CYP4X1: variants seen among roughly 807,000 people sequenced by gnomAD.
CYP4X1 encodes the protein cytochrome P450 family 4 subfamily X member 1.
CYP4X1 carries 44 observed loss-of-function variants against 57.9 expected under a neutral mutation model. The observed-to-expected ratio is 0.76, with a 90% CI of 0.60 to 0.98. The LOEUF (loss-of-function observed/expected upper bound fraction) is 0.98, where lower values mean the gene tolerates loss of function less well. Ranked by LOEUF, CYP4X1 falls within the 50% of genes least tolerant of loss-of-function variation. The pLI, the probability that CYP4X1 is intolerant of heterozygous loss-of-function variation, is 0.00. For missense variants in CYP4X1, 532 were observed against 623.9 expected (o/e 0.85, Z 1.57); for synonymous variants, 227 against 228.6 (o/e 0.99, Z 0.06).
chr1:46,983,024 G>A, the CYP4X1 span, among the ~76,000 whole-genome samples: 11 of 152,354 alleles, frequency 7.2e-5, no homozygotes, highest in East Asian at 2.1e-3. Context: ...TTGTGTTGCA[G>A]GTCCAAGCCT....
At chr1:46,984,246 A>G in the CYP4X1 span, among the ~76,000 whole-genome samples, 2 of 151,542 alleles carry the variant, frequency 1.3e-5, no homozygotes, top group Admixed American at 1.3e-4. Context: ...CCTTGCACCA[A>G]TCCCCAGTGA....
chr1:47,001,748 C>A, the CYP4X1 span, among the ~76,000 whole-genome samples: 1 of 152,234 alleles, frequency 6.6e-6, no homozygotes, highest in African/African-American at 2.4e-5. Context: ...TTCCTCCACA[C>A]TGAAGCCACA....
intron 8 of CYP4X1, among the ~76,000 whole-genome samples, chr1:47,045,338 C>A (rs1341637720): frequency 6.6e-6 from 1 of 152,020 alleles, no homozygotes; most frequent in Non-Finnish European, 1.5e-5. Context: ...TTAAAAAAAA[C>A]TTTATTCTTC....
chr1:46,987,743 C>T, the CYP4X1 span, among the ~76,000 whole-genome samples: 1 of 152,162 alleles, frequency 6.6e-6, no homozygotes, highest in Non-Finnish European at 1.5e-5. Context: ...CTCAAAACCA[C>T]ATAACTACAT....
At chr1:47,053,745 G>A (rs1036479657), downstream of CYP4X1, among the ~76,000 whole-genome samples, 6 of 152,100 alleles carry the variant, frequency 3.9e-5, no homozygotes, top group East Asian at 5.8e-4. Context: ...CATATCCTTC[G>A]CCCACTTTTT....
chr1:47,022,299 T>G (rs1184314557), upstream of CYP4X1, among the ~76,000 whole-genome samples: 1 of 143,856 alleles, frequency 7.0e-6, no homozygotes, highest in African/African-American at 2.6e-5. Flanking sequence ...TTTTTTTTTT[T>G]TTTTTTTTTT....
the CYP4X1 span, among the ~76,000 whole-genome samples, chr1:47,006,520 G>T: frequency 6.6e-6 from 1 of 152,196 alleles, no homozygotes; most frequent in African/African-American, 2.4e-5. Flanking sequence ...CAGAAGATGG[G>T]TGATTTCTGC....
At chr1:47,017,217 C>A in the CYP4X1 span, among the ~76,000 whole-genome samples, 1 of 152,066 alleles carries the variant, frequency 6.6e-6, no homozygotes, top group Non-Finnish European at 1.5e-5. Context: ...TGGTATATAT[C>A]CTGCAGTGGG....
chr1:47,004,675 A>G, the CYP4X1 span, among the ~76,000 whole-genome samples: 579 of 151,910 alleles, frequency 3.8e-3, 1 homozygote, highest in African/African-American at 0.013. Context: ...AATTGAGGCC[A>G]CCTGGCTGCA....
chr1:47,036,928 C>T (rs1004180711), intron 6 of CYP4X1, among the ~76,000 whole-genome samples: 1 of 152,144 alleles, frequency 6.6e-6, no homozygotes, highest in Non-Finnish European at 1.5e-5. Flanking sequence ...TTTTGCAAGA[C>T]ACACCAACAT....
downstream of CYP4X1, among the ~76,000 whole-genome samples, chr1:47,051,315 G>T (rs1557613850): frequency 6.6e-6 from 1 of 150,786 alleles, no homozygotes; most frequent in Non-Finnish European, 1.5e-5. Flanking sequence ...GGAGGGGGAG[G>T]TTGCAGTGAG....
At chr1:47,012,649 C>T in the CYP4X1 span, among the ~76,000 whole-genome samples, 1 of 152,142 alleles carries the variant, frequency 6.6e-6, no homozygotes, top group African/African-American at 2.4e-5. Context: ...ACATGCCAGT[C>T]CCTTTGCAAC....
At chr1:47,043,859 CT>C (rs1557609991) in intron 8 of CYP4X1, among the ~76,000 whole-genome samples, 1 of 152,134 alleles carries the variant, frequency 6.6e-6, no homozygotes, top group Non-Finnish European at 1.5e-5. Context: ...CTTCTTGTCT[CT>C]TTTTACAGTT....
chr1:47,041,479 T>C (rs1223894171), intron 8 of CYP4X1, among the ~76,000 whole-genome samples: 1 of 152,180 alleles, frequency 6.6e-6, no homozygotes, highest in Non-Finnish European at 1.5e-5. Context: ...ACCATTCTAA[T>C]GAGCATGAGG....
Position 47,046,606 on chromosome 1 carries a change from T to C in CYP4X1, c.1207+6T>C. 6.2e-7 allele frequency: 1 copy of C among 1,614,124 alleles called. No homozygotes were observed. Among genetic ancestry groups the C allele is most frequent in the South Asian group, 1.1e-5 (1 of 91,068 alleles). On this transcript the variant is annotated splice_donor_region_variant and intron_variant, in intron 9 of 11. Transcript: ENST00000371901. ...TGGATGCACATTGCCTGCAGGTCTT[T>C]ACATTCTTTTCCTAAGCAGTTCTTA...
At chr1:47,026,720 T>G (rs903695634) in intron 1 of CYP4X1, among the ~76,000 whole-genome samples, 1 of 148,856 alleles carries the variant, frequency 6.7e-6, no homozygotes, top group African/African-American at 2.5e-5. Context: ...TTTTTTGTTG[T>G]TTTTTTTTGT....
chr1:47,048,534 T>C (rs367748702), intron 9 of CYP4X1, 31 bp from the exon 10 acceptor site: 2 of 1,612,614 alleles, frequency 1.2e-6, no homozygotes, highest in African/African-American at 2.7e-5. Flanking sequence ...CTCTTTCTCC[T>C]GCAGTCTCTT....
At chr1:46,986,245 C>T in the CYP4X1 span, among the ~76,000 whole-genome samples, 1 of 151,976 alleles carries the variant, frequency 6.6e-6, no homozygotes, top group African/African-American at 2.4e-5. Context: ...ATAGTTGAAT[C>T]AATCAAATGA....
intron 1 of CYP4X1, among the ~76,000 whole-genome samples, chr1:47,025,457 C>A (rs1301117572): frequency 6.6e-6 from 1 of 152,212 alleles, no homozygotes; most frequent in Non-Finnish European, 1.5e-5. Flanking sequence ...CTATGAACTT[C>A]TTTATGACAG....
Sources: gnomAD v4.1 joint callset for allele counts (sites outside exome capture counted in the v4.1 genomes callset) on GRCh38, gnomAD v4.1.1 for gene constraint, MANE v1.5 for transcripts, NCBI Gene and HGNC (gene_info 2026-07-23, HGNC 2026-07-21) for gene names.